Variants in ZDHHC21 observed in about 807,000 individuals in gnomAD.
ZDHHC21 encodes the protein palmitoyltransferase ZDHHC21.
ZDHHC21 carries 15 observed loss-of-function variants against 34.6 expected under a neutral mutation model. The observed-to-expected ratio is 0.43, with a 90% CI of 0.29 to 0.67. ZDHHC21 has a LOEUF of 0.67. ZDHHC21 is among the 30% of genes least tolerant of loss of function. ZDHHC21 has a pLI of 0.14. For missense variants in ZDHHC21, 344 were observed against 327.7 expected, an observed-to-expected ratio of 1.05 and a Z score of -0.38; for synonymous variants, 142 against 101.8, an observed-to-expected ratio of 1.40 and a Z score of -2.38.
At position 14,652,461 on chromosome 9, in the gene ZDHHC21, A is replaced by G. The variant is rs116729843; in HGVS notation, c.504+6288T>C. On this transcript the variant is annotated intron_variant, in intron 7 of 9. Transcript: ENST00000380916. Reference sequence around the variant, plus strand: ...GTATTTCCTCAAAACTTCACATGGTAAAAACATATAAATCTTTGAACGTTC... The same window carrying G: ...GTATTTCCTCAAAACTTCACATGGTGAAAACATATAAATCTTTGAACGTTC... Among the ~76,000 whole-genome samples the G allele has an allele frequency of 6.1e-3, 934 of 152,140 alleles. 15 individuals are homozygous for G. Among genetic ancestry groups the G allele is most frequent in the African/African-American group, 0.021 (882 of 41,540 alleles).
chr9:14,668,416 G>T (rs1485628368), intron 5 of ZDHHC21, among the ~76,000 whole-genome samples: 1 of 60,636 alleles, frequency 1.6e-5, no homozygotes, highest in Non-Finnish European at 3.3e-5. Context: ...CGTGAAAATG[G>T]CCATACTGCC....
chr9:14,609,922 C>G (rs1038432123), downstream of ZDHHC21, among the ~76,000 whole-genome samples: 3 of 152,060 alleles, frequency 2.0e-5, no homozygotes, highest in African/African-American at 7.2e-5. Flanking sequence ...CCAGATACTT[C>G]TAACAAAATA....
intron 6 of ZDHHC21, among the ~76,000 whole-genome samples, chr9:14,659,414 G>C (rs1310712055): frequency 1.3e-5 from 2 of 152,126 alleles, no homozygotes; most frequent in African/African-American, 2.4e-5. Context: ...AAATAAAAAT[G>C]TATTCAAAAC....
Position 14,672,870 on chromosome 9 carries a change from A to C in ZDHHC21, c.213T>G (p.Asp71Glu). 1 of 1,609,522 alleles carries C rather than the reference A, an allele frequency of 6.2e-7. No homozygotes were observed. Among genetic ancestry groups the C allele is most frequent in the Non-Finnish European group, 8.5e-7 (1 of 1,176,980 alleles). The change falls in exon 5 of 10, where the codon GAT (aspartate) becomes GAG (glutamate). Residue 71 changes from aspartate to glutamate, a missense_variant. Transcript: ENST00000380916. The stretch of plus-strand genomic sequence containing the variant: ...TGGGGTTCTCAGGGAGTCTTCCTGG[A>C]TCAGTTATGGAGGCCCTCACTAAGG... ...LVALVRASIT[D>E]PGRLPENPKI... is the part of the protein sequence containing the mutation.
intron 7 of ZDHHC21, among the ~76,000 whole-genome samples, chr9:14,643,993 G>A (rs1488793727): frequency 6.6e-6 from 1 of 152,088 alleles, no homozygotes; most frequent in Non-Finnish European, 1.5e-5. Context: ...ATTTGTATTT[G>A]CATAAAAATT....
chr9:14,655,995 T>A (rs1832136381), intron 7 of ZDHHC21, among the ~76,000 whole-genome samples: 1 of 147,848 alleles, frequency 6.8e-6, no homozygotes, highest in East Asian at 2.1e-4. Flanking sequence ...ATAGTTAAAC[T>A]AATAACAGAA....
intron 3 of ZDHHC21, among the ~76,000 whole-genome samples, chr9:14,678,327 T>C (rs1042814972): frequency 2.6e-5 from 4 of 151,664 alleles, no homozygotes; most frequent in Admixed American, 2.0e-4. Flanking sequence ...CCAAAACACA[T>C]GAAAAGCAAA....
In ZDHHC21 at chr9:14,672,920, C is replaced by T. The variant is rs745868598; in HGVS notation, c.163G>A (p.Gly55Ser). ...GCAACCAGACAGAATATGGAAATGC[C>T]ATAGAATACTTTAAAATAAATAAAT... is the stretch of plus-strand genomic sequence containing the variant. ...IPGILIIIFY[G>S]ISIFCLVALV... The change falls in exon 5 of 10, where the codon GGC (glycine) becomes AGC (serine). Residue 55 changes from glycine (G) to serine (S), a missense_variant. Physicochemically the swap from Gly to Ser is moderately conservative, Grantham distance 56. Coordinates refer to ENST00000380916, the MANE Select transcript of ZDHHC21 (RefSeq NM_178566.6). 1.9e-6 allele frequency: 3 copies of T among 1,573,984 alleles called. No homozygotes were observed. Among genetic ancestry groups the T allele is most frequent in the Non-Finnish European group, 2.6e-6 (3 of 1,155,100 alleles).
chr9:14,643,307 G>A (rs1829726965), intron 7 of ZDHHC21, among the ~76,000 whole-genome samples: 1 of 151,958 alleles, frequency 6.6e-6, no homozygotes, highest in Non-Finnish European at 1.5e-5. Flanking sequence ...TCAAGAATTA[G>A]AACATCTGAA....
At chr9:14,608,900 C>A (rs535427884), downstream of ZDHHC21, among the ~76,000 whole-genome samples, 2 of 151,990 alleles carry the variant, frequency 1.3e-5, no homozygotes, top group Non-Finnish European at 2.9e-5. Flanking sequence ...TTAGTTTTTG[C>A]CTCTTTATAA....
rs1267735844 is a variant in ZDHHC21, at chr9:14,669,870, G to A, written c.253+2960C>T. Among the ~76,000 whole-genome samples, 7 of 105,660 alleles carry A rather than the reference G, an allele frequency of 6.6e-5. No homozygotes were observed. In the Admixed American group the frequency reaches 7.7e-4, roughly 12 times the overall value. The allele number at this position is 105,660 out of a possible 152,430, so 69.3% of individuals were successfully genotyped here. On this transcript the variant is annotated intron_variant, in intron 5 of 9. Transcript: ENST00000380916. Reference sequence around the variant, plus strand: ...GGACTGTGGTGGGGTGGGGGGAGGGGGGAGGGATAGCATTGGGAGATATAC... The same window carrying A: ...GGACTGTGGTGGGGTGGGGGGAGGGAGGAGGGATAGCATTGGGAGATATAC...
intron 5 of ZDHHC21, among the ~76,000 whole-genome samples, chr9:14,666,082 C>G (rs375338527): frequency 2.0e-5 from 3 of 149,660 alleles, no homozygotes; most frequent in African/African-American, 4.9e-5. Flanking sequence ...AGACCCATCA[C>G]TGTGCTGTAT....
At chr9:14,621,196 T>A (rs1825246681) in intron 8 of ZDHHC21, among the ~76,000 whole-genome samples, 1 of 151,976 alleles carries the variant, frequency 6.6e-6, no homozygotes, top group African/African-American at 2.4e-5. Context: ...TGAAATAGAA[T>A]AGCTATTAGG....
At chr9:14,684,989 TG>T (rs1838053494) in intron 2 of ZDHHC21, among the ~76,000 whole-genome samples, 1 of 152,214 alleles carries the variant, frequency 6.6e-6, no homozygotes, top group East Asian at 1.9e-4. Context: ...TTGGGAAAAC[TG>T]GATAGCCATA....
intron 3 of ZDHHC21, among the ~76,000 whole-genome samples, chr9:14,675,442 A>T (rs1308112932): frequency 6.6e-6 from 1 of 151,956 alleles, no homozygotes; most frequent in East Asian, 1.9e-4. Flanking sequence ...CATCTACTGA[A>T]TCATAATTCT....
intron 8 of ZDHHC21, among the ~76,000 whole-genome samples, chr9:14,631,634 T>C (rs1827360918): frequency 6.6e-6 from 1 of 152,186 alleles, no homozygotes; most frequent in African/African-American, 2.4e-5. Context: ...CATTTGTAGT[T>C]TTTGATTTAA....
At chr9:14,620,807 A>G (rs1036383402) in intron 8 of ZDHHC21, among the ~76,000 whole-genome samples, 5 of 152,048 alleles carry the variant, frequency 3.3e-5, no homozygotes, top group African/African-American at 1.2e-4. Flanking sequence ...CTAATAACCA[A>G]CAACATAGTT....
intron 8 of ZDHHC21, among the ~76,000 whole-genome samples, chr9:14,625,042 CTTTCA>C (rs1825972856): frequency 6.6e-6 from 1 of 152,014 alleles, no homozygotes; most frequent in Non-Finnish European, 1.5e-5. Flanking sequence ...CTAAGAAAGA[CTTTCA>C]TTTCACTTCT....
the ZDHHC21 span, among the ~76,000 whole-genome samples, chr9:14,605,478 G>C: frequency 1.3e-5 from 2 of 152,190 alleles, no homozygotes; most frequent in Non-Finnish European, 2.9e-5. Flanking sequence ...TCATTTGTGT[G>C]TCTTCTTTGG....
Sources: allele counts gnomAD v4.1 joint callset (sites outside exome capture counted in the v4.1 genomes callset), GRCh38; gene constraint gnomAD v4.1.1; transcripts MANE v1.5; gene names NCBI Gene and HGNC (gene_info 2026-07-23, HGNC 2026-07-21).